PLEKHM2: variants seen among roughly 807,000 people sequenced by gnomAD.
PLEKHM2 encodes pleckstrin homology and RUN domain containing M2.
A neutral mutation model predicts 116.3 loss-of-function variants in PLEKHM2; 77 were observed. The observed-to-expected ratio is 0.66, with a 90% CI of 0.55 to 0.80. PLEKHM2 has a LOEUF of 0.80. PLEKHM2 is among the 30% of genes least tolerant of loss of function. PLEKHM2 has a pLI of 0.00. For missense variants in PLEKHM2, 1,183 were observed against 1,354.9 expected (o/e 0.87, Z 1.99); for synonymous variants, 562 against 571.0 (o/e 0.98, Z 0.22).
chr1:15,730,587 A>T lies in PLEKHM2; in HGVS notation c.2264A>T (p.Asp755Val), dbSNP rs994185140. Residue 755 changes from aspartate to valine, a missense_variant, in exon 15 of 20, where the codon GAC becomes GTC. Transcript: ENST00000375799. ...CTTGTGCACTGGGAGGACCCCACAG[A>T]CGAGTCCCTGGGCCCCACGCCCTGC... ...YGLVHWEDPTDESLGPTPCHC... is the reference protein window; with the variant it reads ...YGLVHWEDPTVESLGPTPCHC... 7.5e-6 allele frequency: 12 copies of T among 1,605,664 alleles called. No homozygotes were observed. Among genetic ancestry groups the T allele is most frequent in the Non-Finnish European group, 9.3e-6 (11 of 1,176,924 alleles).
chr1:15,683,762 G>C (rs905276450), upstream of PLEKHM2, among the ~76,000 whole-genome samples: 1 of 148,244 alleles, frequency 6.7e-6, no homozygotes, highest in Non-Finnish European at 1.5e-5. Context: ...GTGTCTCTGA[G>C]GTCCCAGGGG....
chr1:15,724,463 CAGAG>C (rs1325161662), intron 7 of PLEKHM2, among the ~76,000 whole-genome samples: 1 of 150,076 alleles, frequency 6.7e-6, no homozygotes, highest in African/African-American at 2.5e-5. Context: ...AGCCTGGCGA[CAGAG>C]AGAGACTCCG....
chr1:15,725,577 G>A (rs1201655398), intron 8 of PLEKHM2, 32 bp downstream of exon 8: 1 of 1,458,914 alleles, frequency 6.9e-7, no homozygotes, highest in East Asian at 2.5e-5. Context: ...AAGGAGCTGA[G>A]GTCCTGGGGT....
intron 1 of PLEKHM2, among the ~76,000 whole-genome samples, chr1:15,686,486 G>A (rs1394558700): frequency 6.6e-6 from 1 of 151,918 alleles, no homozygotes; most frequent in Non-Finnish European, 1.5e-5. Context: ...TGTTGTTGTT[G>A]TTGTTTGTTT....
intron 1 of PLEKHM2, among the ~76,000 whole-genome samples, chr1:15,706,922 C>T (rs1052204739): frequency 6.6e-6 from 1 of 152,118 alleles, no homozygotes; most frequent in Non-Finnish European, 1.5e-5. Flanking sequence ...CCCTTCTGGC[C>T]ACTGCTGAAC....
At chr1:15,692,502 A>G (rs1640908403) in intron 1 of PLEKHM2, among the ~76,000 whole-genome samples, 1 of 152,196 alleles carries the variant, frequency 6.6e-6, no homozygotes, top group African/African-American at 2.4e-5. Context: ...TCGTGCACAG[A>G]GGGATCCTGA....
chr1:15,716,864 G>A (rs375321257), intron 3 of PLEKHM2, 48 bp downstream of exon 3: 18 of 1,547,092 alleles, frequency 1.2e-5, no homozygotes, highest in Middle Eastern at 1.9e-4. Flanking sequence ...CTCCACCTTC[G>A]GTGGGTAGCT....
Position 15,730,722 on chromosome 1 carries a change from G to C in PLEKHM2, c.2399G>C (p.Ser800Thr). The C allele has an allele frequency of 6.3e-7, 1 of 1,593,234 alleles. No homozygotes were observed. The highest frequency in any genetic ancestry group is 8.5e-7 in the Non-Finnish European group (1 of 1,170,442). The change falls in exon 15 of 20, where the codon AGC (serine) becomes ACC (threonine). Residue 800 changes from serine to threonine, a missense_variant and splice_region_variant. Ser to Thr is a moderately conservative substitution (Grantham distance 58). Coordinates refer to ENST00000375799, the MANE Select transcript of PLEKHM2 (RefSeq NM_015164.4). ...TGGAAGACGTGCTTCGTGGTGCTCA[G>C]GTGGGAGCCCTGGCAGCTCTAGGCC... Reference protein sequence around the residue: ...EHWKTCFVVLSNGILYQYPDR... With the variant: ...EHWKTCFVVLTNGILYQYPDR...
At chr1:15,707,620 T>C (rs980592001) in intron 1 of PLEKHM2, among the ~76,000 whole-genome samples, 1 of 152,144 alleles carries the variant, frequency 6.6e-6, no homozygotes, top group Non-Finnish European at 1.5e-5. Flanking sequence ...AAGGAAACAC[T>C]CAGAACCACT....
At position 15,716,717 on chromosome 1, in the gene PLEKHM2, C is replaced by A; in HGVS notation, c.178C>A (p.Leu60Ile). Reference protein sequence around the residue: ...DHALLYGLQDLSSGYWVLVVH... With the variant: ...DHALLYGLQDISSGYWVLVVH... ...GTCCTGTTTTCTCAGACTGCAAGAC[C>A]TCTCCTCTGGCTACTGGGTGCTCGT... Residue 60 changes from leucine to isoleucine, a missense_variant, in exon 3 of 20, where the codon CTC becomes ATC. By Grantham distance (5) the Leu-to-Ile change is conservative. Around this residue, in one of 3 missense-constraint regions of PLEKHM2, gnomAD observed 217 missense variants for 277.6 expected, o/e 0.78. Transcript: ENST00000375799. 6.4e-7 allele frequency: 1 copy of A among 1,568,572 alleles called. No individual in the cohort carries two copies. The highest frequency in any genetic ancestry group is 8.6e-7 in the Non-Finnish European group (1 of 1,156,490).
At chr1:15,732,808 G>C in intron 19 of PLEKHM2, 80 bp downstream of exon 19, 1 of 967,218 alleles carries the variant, frequency 1.0e-6, no homozygotes. Flanking sequence ...AACCCCTGCT[G>C]CTCCCAGGAC....
intron 1 of PLEKHM2, among the ~76,000 whole-genome samples, chr1:15,686,647 A>ATTTTTTTTTTTTTTTTTTTTTTTTTT (rs1361252513): frequency 7.1e-6 from 1 of 140,876 alleles, no homozygotes; most frequent in African/African-American, 3.0e-5. Flanking sequence ...CACCCGGCTA[A>ATTTTTTTTTTTTTTTTTTTTTTTTTT]ATTTTTTTTT....
At position 15,727,888 on chromosome 1, in the gene PLEKHM2, C is replaced by T. The variant is rs2068087637; in HGVS notation, c.1760+56C>T. The T allele has an allele frequency of 7.3e-6, 10 of 1,378,636 alleles. No individual in the cohort carries two copies. The Admixed American group carries it at 1.1e-4, about 15-fold the overall frequency. 85.4% of individuals were successfully genotyped at this position (1,378,636 alleles called of 1,614,324 possible). ...CTCCCAGCCCTTGAAGCTGGGGACA[C>T]TGTGCCTCTGACCTCCAGATAAATT... On this transcript the variant is annotated intron_variant, in intron 9 of 19. Transcript: ENST00000375799. This position sits in a 1 kb window ranked among gnomAD's most constrained non-coding sequence, Gnocchi z 7.5.
chr1:15,730,515 G>A lies in PLEKHM2; in HGVS notation c.2209-17G>A, dbSNP rs2068125793. ...AGGCCTTACTTGCTTTGTCCCCCGT[G>A]CCCGCCCCCGCATCAGGCATCTGCT... is the stretch of plus-strand genomic sequence containing the variant. On this transcript the variant is annotated splice_polypyrimidine_tract_variant and intron_variant, in intron 14 of 19. Transcript: ENST00000375799. 1 of 1,533,436 alleles carries A rather than the reference G, an allele frequency of 6.5e-7. No homozygotes were observed. Among genetic ancestry groups the A allele is most frequent in the Non-Finnish European group, 8.8e-7 (1 of 1,138,046 alleles). The allele number at this position is 1,533,436 out of a possible 1,614,324, so 95.0% of individuals were successfully genotyped here.
chr1:15,702,406 T>C (rs1302423694), intron 1 of PLEKHM2, among the ~76,000 whole-genome samples: 1 of 151,772 alleles, frequency 6.6e-6, no homozygotes, highest in Non-Finnish European at 1.5e-5. Context: ...CCACCCATTC[T>C]TCAGGTGGGT....
At chr1:15,725,256 T>TG in intron 7 of PLEKHM2, 61 bp from the exon 8 acceptor site, 1 of 1,246,828 alleles carries the variant, frequency 8.0e-7, no homozygotes, top group East Asian at 2.5e-5. Flanking sequence ...ACGCATGCTC[T>TG]GGGGGTCGGG....
intron 1 of PLEKHM2, among the ~76,000 whole-genome samples, chr1:15,693,811 A>G (rs967400754): frequency 1.3e-5 from 2 of 152,226 alleles, no homozygotes; most frequent in Admixed American, 6.5e-5. Flanking sequence ...CTTAATGTGG[A>G]AAGGCAAGAG....
At chr1:15,697,948 G>A (rs1019526683) in intron 1 of PLEKHM2, among the ~76,000 whole-genome samples, 32 of 152,118 alleles carry the variant, frequency 2.1e-4, no homozygotes, top group Admixed American at 2.0e-3. Flanking sequence ...TTTCGGAGGT[G>A]GGCAAAGAAA....
Position 15,729,939 on chromosome 1 carries a change from T to G in PLEKHM2, c.2208+10T>G, listed in dbSNP as rs1305216505. The G allele has an allele frequency of 1.2e-6, 2 of 1,607,884 alleles. No individual in the cohort carries two copies. The highest frequency in any genetic ancestry group is 3.4e-5 in the Admixed American group (2 of 59,512). ...AGAATCGAAGTGTGAGGTAAGAACC[T>G]GGGGAGGAAGCTGAGTGCAGCCCCT... On this transcript the variant is annotated intron_variant, in intron 14 of 19. Transcript: ENST00000375799. The surrounding 1 kb of genome is among the most constrained non-coding windows in gnomAD (Gnocchi z 4.7).
Sources: gnomAD v4.1 joint callset for allele counts (sites outside exome capture counted in the v4.1 genomes callset) on GRCh38, gnomAD v4.1.1 for gene constraint, gnomAD v4.1.1 regional missense constraint, Gnocchi (gnomAD v3.1) non-coding constraint, MANE v1.5 for transcripts, NCBI Gene and HGNC (gene_info 2026-07-23, HGNC 2026-07-21) for gene names.